COL6A5: variants seen among roughly 807,000 people sequenced by gnomAD.
COL6A5 encodes the protein collagen type VI alpha 5 chain.
A neutral mutation model predicts 65.6 loss-of-function variants in COL6A5; 48 were observed. The ratio of observed to expected loss-of-function variants is 0.73; its 90% confidence interval spans 0.58 to 0.93. The LOEUF is 0.93. Ranked by LOEUF, COL6A5 falls within the 40% of genes least tolerant of loss-of-function variation. The pLI, the probability that COL6A5 is intolerant of heterozygous loss-of-function variation, is 0.00. For missense variants in COL6A5, 914 were observed against 928.3 expected (o/e 0.98, Z 0.20); for synonymous variants, 291 against 322.8 (o/e 0.90, Z 1.05).
intron 1 of COL6A5, 88 bp from the exon 34 acceptor site, chr3:130,439,434 G>A: frequency 1.3e-6 from 1 of 758,480 alleles, no homozygotes; most frequent in Non-Finnish European, 2.1e-6. Context: ...TGATTAGTTG[G>A]GTGTTTTTTA....
chr3:130,423,511 A>T (rs1237785742), intron 28 of COL6A5, among the ~76,000 whole-genome samples: 1 of 151,718 alleles, frequency 6.6e-6, no homozygotes, highest in Non-Finnish European at 1.5e-5. Flanking sequence ...TCTTTTACAG[A>T]TGGGAGGTTT....
chr3:130,459,787 C>T (rs1023907882), intron 5 of COL6A5, among the ~76,000 whole-genome samples: 2 of 151,800 alleles, frequency 1.3e-5, no homozygotes, highest in Non-Finnish European at 2.9e-5. Flanking sequence ...TACCAAGTTT[C>T]AAATCAAACA....
intron 1 of COL6A5, among the ~76,000 whole-genome samples, chr3:130,373,188 C>T (rs919925024): frequency 6.6e-6 from 1 of 152,048 alleles, no homozygotes; most frequent in Non-Finnish European, 1.5e-5. Flanking sequence ...ATAAATTTTG[C>T]GAGGACAGTA....
chr3:130,430,911 T>G (rs1169635680), upstream of COL6A5, among the ~76,000 whole-genome samples: 1 of 152,238 alleles, frequency 6.6e-6, no homozygotes, highest in African/African-American at 2.4e-5. Flanking sequence ...CAGTGAATGT[T>G]ATGCTGCATT....
upstream of COL6A5, among the ~76,000 whole-genome samples, chr3:130,427,690 A>G (rs1937634284): frequency 2.6e-5 from 4 of 152,092 alleles, no homozygotes; most frequent in South Asian, 8.3e-4. Context: ...AAACACATGG[A>G]TGCATGAGGT....
exon 8 of COL6A5, chr3:130,395,383 T>C (rs1302556674): frequency 3.9e-6 from 6 of 1,547,308 alleles, no homozygotes; most frequent in Non-Finnish European, 4.4e-6. Context: ...AAATAATCAC[T>C]TTTCAAGACT....
chr3:130,473,627 G>A (rs1207044944), intron 7 of COL6A5, among the ~76,000 whole-genome samples: 1 of 152,092 alleles, frequency 6.6e-6, no homozygotes, highest in African/African-American at 2.4e-5. Context: ...TCTCATAAAT[G>A]AAGAATGTTG....
At position 130,426,064 on chromosome 3, in the gene COL6A5, A is replaced by G. The variant is rs532838318; in HGVS notation, c.5164-150A>G. On this transcript the variant is annotated intron_variant and NMD_transcript_variant, in intron 29 of 41. Coordinates refer to the COL6A5 transcript ENST00000312481. The stretch of plus-strand genomic sequence containing the variant: ...ATGTGAGTAGGGAAAATATATGGCA[A>G]TTAATCCACTGGGTTCAGGAATATT... 3.5e-5 allele frequency: 25 copies of G among 709,820 alleles called. No homozygotes were observed. The South Asian group carries it at 4.0e-4, about 11-fold the overall frequency. The allele number at this position is 709,820 out of a possible 1,614,324, so 44.0% of individuals were successfully genotyped here.
intron 4 of COL6A5, among the ~76,000 whole-genome samples, chr3:130,452,539 G>A (rs1559911627): frequency 6.6e-6 from 1 of 152,168 alleles, no homozygotes; most frequent in Non-Finnish European, 1.5e-5. Context: ...AGGGGAGGGA[G>A]TGTACGAATA....
intron 12 of COL6A5, among the ~76,000 whole-genome samples, chr3:130,402,640 T>TTG: frequency 6.6e-6 from 1 of 152,192 alleles, no homozygotes; most frequent in East Asian, 1.9e-4. Context: ...AGGAGGGCCC[T>TTG]TGTGGAGAGA....
Position 130,453,370 on chromosome 3 carries a change from G to A in COL6A5, c.1333-2085G>A, listed in dbSNP as rs190862928. Among the ~76,000 whole-genome samples, 32 of 152,232 alleles carry A rather than the reference G, an allele frequency of 2.1e-4. No homozygotes were observed. In the East Asian group the frequency reaches 5.6e-3, roughly 27 times the overall value. On this transcript the variant is annotated intron_variant, in intron 4 of 7. Coordinates refer to ENST00000512836, the Ensembl canonical transcript of COL6A5. ...CGTTCTTCTGACATGGCTTCAGCGG[G>A]TCCCTCCGTTTGGGGTCCCTGACTT...
In COL6A5 at chr3:130,395,130, G is replaced by A. The variant is rs990777124; in HGVS notation, c.3233G>A (p.Ser1078Asn). 3.2e-6 allele frequency: 5 copies of A among 1,551,566 alleles called. No homozygotes were observed. The African/African-American group carries it at 6.8e-5, about 21-fold the overall frequency. Residue 1078 changes from serine to asparagine, a missense_variant and NMD_transcript_variant, in exon 8 of 42, where the codon AGC becomes AAC. Coordinates refer to the COL6A5 transcript ENST00000312481. ...ACTCAAATTCAGAATGTCTCCAAGA[G>A]CGGTGGATTTCCAAGAATTGACTTT...
At chr3:130,481,718 A>G (rs1710245976) in intron 7 of COL6A5, among the ~76,000 whole-genome samples, 1 of 152,078 alleles carries the variant, frequency 6.6e-6, no homozygotes, top group South Asian at 2.1e-4. Context: ...TTGTTTCCTA[A>G]CTTTTTAATG....
At chr3:130,403,542 T>C in intron 12 of COL6A5, 67 bp from the exon 13 acceptor site, 1 of 1,366,458 alleles carries the variant, frequency 7.3e-7, no homozygotes. Context: ...GAATGCCTAA[T>C]GATTTCACAA....
chr3:130,442,928 A>G (rs1177604986), intron 3 of COL6A5, among the ~76,000 whole-genome samples: 1 of 152,210 alleles, frequency 6.6e-6, no homozygotes, highest in Non-Finnish European at 1.5e-5. Flanking sequence ...GGGACAGGGT[A>G]ACATACTTCT....
intron 1 of COL6A5, 74 bp downstream of exon 1, chr3:130,346,055 A>G: frequency 5.0e-6 from 2 of 398,416 alleles, no homozygotes; most frequent in Non-Finnish European, 8.9e-6. Flanking sequence ...GGTGGATGTG[A>G]GAAGGATTCT....
At chr3:130,346,084 C>T in intron 1 of COL6A5, 103 bp downstream of exon 1, 1 of 397,792 alleles carries the variant, frequency 2.5e-6, no homozygotes, top group East Asian at 3.6e-5. Flanking sequence ...GTGATTTGCA[C>T]CTGTTGACGC....
chr3:130,350,392 A>G (rs1454040420), intron 1 of COL6A5, among the ~76,000 whole-genome samples: 3 of 152,212 alleles, frequency 2.0e-5, no homozygotes, highest in Admixed American at 6.5e-5. Context: ...AGATGAAATG[A>G]TTGCATATTT....
At chr3:130,440,731 A>T (rs1167842344) in exon 3 of COL6A5, 1 of 1,613,312 alleles carries the variant, frequency 6.2e-7, no homozygotes, top group Non-Finnish European at 8.5e-7. Context: ...CCAGCTACCC[A>T]CTTGATCAAC....
Sources: gnomAD v4.1 joint callset for allele counts (sites outside exome capture counted in the v4.1 genomes callset) on GRCh38, gnomAD v4.1.1 for gene constraint, MANE v1.5 for transcripts, NCBI Gene and HGNC (gene_info 2026-07-23, HGNC 2026-07-21) for gene names.